Variants in CBLC observed in about 807,000 individuals in gnomAD.
CBLC encodes Cbl proto-oncogene C, also known as E3 ubiquitin-protein ligase CBL-C.
CBLC carries 46 observed loss-of-function variants against 58.6 expected under a neutral mutation model. The observed-to-expected ratio is 0.79, with a 90% CI of 0.62 to 1.00. The LOEUF is 1.00. Ranked by LOEUF, CBLC falls within the 50% of genes least tolerant of loss-of-function variation. The pLI is 0.00. For synonymous variants in CBLC, 271 were observed against 264.2 expected (o/e 1.03, Z -0.25); for missense variants, 655 against 625.8 (o/e 1.05, Z -0.50).
At position 44,788,345 on chromosome 19, in the gene CBLC, C is replaced by G. The variant is rs1004206077; in HGVS notation, c.918-1659C>G. Among the ~76,000 whole-genome samples, 8 of 151,592 alleles carry G rather than the reference C, an allele frequency of 5.3e-5. No individual in the cohort carries two copies. The South Asian group carries it at 8.3e-4, about 16-fold the overall frequency. ...CTTTCTGTGTTGCCCAGGCTGGTCT[C>G]GAACCCCTGGGCTCAAGCAATCCTC... is the stretch of plus-strand genomic sequence containing the variant. On this transcript the variant is annotated intron_variant, in intron 5 of 10. Transcript: ENST00000647358.
chr19:44,781,382 T>G lies in CBLC; in HGVS notation c.657+19T>G. 6.2e-7 allele frequency: 1 copy of G among 1,602,994 alleles called. No individual in the cohort carries two copies. Among genetic ancestry groups the G allele is most frequent in the Non-Finnish European group, 8.5e-7 (1 of 1,178,324 alleles). ...CTTTCAGGTCAGGGAAGGCCAAGGC[T>G]GGGAGCTAGACTTGGGTCCAGGAGG... On this transcript the variant is annotated intron_variant, in intron 3 of 10. Coordinates refer to ENST00000647358, the MANE Select transcript of CBLC (RefSeq NM_012116.4).
At chr19:44,796,078 G>C (rs1242119790) in intron 9 of CBLC, among the ~76,000 whole-genome samples, 2 of 152,068 alleles carry the variant, frequency 1.3e-5, no homozygotes, top group Non-Finnish European at 2.9e-5. Context: ...AGCTGGGCGT[G>C]GTGGCGCACA....
chr19:44,792,546 T>G, intron 7 of CBLC, 32 bp downstream of exon 7: 1 of 1,549,874 alleles, frequency 6.5e-7, no homozygotes, highest in East Asian at 2.4e-5. Context: ...CCTTCCCCTC[T>G]GGTCTCCCCC....
intron 7 of CBLC, among the ~76,000 whole-genome samples, chr19:44,793,156 A>G (rs1173399599): frequency 6.6e-6 from 1 of 151,992 alleles, no homozygotes. Flanking sequence ...CGTTTTTTTA[A>G]AAAACAACAA....
chr19:44,795,498 C>A (rs536936268), intron 9 of CBLC, among the ~76,000 whole-genome samples: 1 of 151,922 alleles, frequency 6.6e-6, no homozygotes, highest in Non-Finnish European at 1.5e-5. Flanking sequence ...GCCTGGGCAA[C>A]AGAATGAGAC....
In CBLC at chr19:44,780,982, A is replaced by G; in HGVS notation, c.431A>G (p.Tyr144Cys). 6.2e-7 allele frequency: 1 copy of G among 1,613,640 alleles called. No individual in the cohort carries two copies. The highest frequency in any genetic ancestry group is 8.5e-7 in the Non-Finnish European group (1 of 1,180,004). The change falls in exon 2 of 11, where the codon TAC (tyrosine) becomes TGC (cysteine). Residue 144 changes from tyrosine to cysteine, a missense_variant. Tyr to Cys is a radical substitution (Grantham distance 194). Coordinates refer to ENST00000647358, the MANE Select transcript of CBLC (RefSeq NM_012116.4). ...ELHALFPGGKYCGHMYQLTKA... is the reference protein window; with the variant it reads ...ELHALFPGGKCCGHMYQLTKA... ...CACGCACTCTTCCCCGGGGGAAAGT[A>G]CTGTGGACACATGTACCAGCTCACC...
Position 44,792,392 on chromosome 19 carries a change from C to T in CBLC, c.1015C>T (p.Gln339Ter), listed in dbSNP as rs1458790653. 1 of 1,613,568 alleles carries T rather than the reference C, an allele frequency of 6.2e-7. No individual in the cohort carries two copies. The highest frequency in any genetic ancestry group is 2.2e-5 in the East Asian group (1 of 44,864). ...QRIHVSEEQL[Q>*]LYWAMDSTFE... is the part of the protein sequence containing the mutation. ...TCCTCTCACCTGCCAGGAGCAGCTG[C>T]AGCTCTACTGGGCCATGGACTCCAC... Residue 339 changes from glutamine (Q) to a stop codon, truncating the protein, a stop_gained, in exon 7 of 11, where the codon CAG becomes TAG. Coordinates refer to ENST00000647358, the MANE Select transcript of CBLC (RefSeq NM_012116.4). LOFTEE classifies it high-confidence loss of function.
intron 9 of CBLC, among the ~76,000 whole-genome samples, chr19:44,797,573 G>GTTTTTTTT (rs1968203582): frequency 8.0e-6 from 1 of 125,708 alleles, no homozygotes; most frequent in Non-Finnish European, 1.7e-5. Context: ...GCCTGGCATT[G>GTTTTTTTT]CTTTTTTTTT....
rs1968274410 is a variant in CBLC, at chr19:44,800,584, G to C, written c.*41G>C. The C allele has an allele frequency of 1.7e-6, 1 of 584,312 alleles. No individual in the cohort carries two copies. 36.2% of individuals were successfully genotyped at this position (584,312 alleles called of 1,614,324 possible). On this transcript the variant is annotated 3_prime_UTR_variant, in exon 11 of 11. Coordinates refer to ENST00000647358, the MANE Select transcript of CBLC (RefSeq NM_012116.4). ...GATGTGCTGCTCAAGGGAGCCCCAA[G>C]GGCTGGAAGGGGGTTGTGAAACCGA...
intron 5 of CBLC, among the ~76,000 whole-genome samples, chr19:44,789,066 G>A (rs1967980912): frequency 6.6e-6 from 1 of 152,160 alleles, no homozygotes; most frequent in Non-Finnish European, 1.5e-5. Flanking sequence ...TAGCATTGAG[G>A]CATGCCAGAT....
chr19:44,790,411 CAATAACAAAT>C (rs908203885), intron 6 of CBLC, among the ~76,000 whole-genome samples: 1 of 152,106 alleles, frequency 6.6e-6, no homozygotes, highest in Non-Finnish European at 1.5e-5. Flanking sequence ...AGAAAAACAA[CAATAACAAAT>C]AAATAATTTA....
At chr19:44,794,066 G>A in intron 8 of CBLC, 138 bp from the exon 9 acceptor site, 1 of 1,431,682 alleles carries the variant, frequency 7.0e-7, no homozygotes, top group Non-Finnish European at 9.3e-7. Flanking sequence ...CCTCCTAAGT[G>A]TTCATACGTT....
At chr19:44,784,141 G>C in intron 4 of CBLC, 123 bp from the exon 5 acceptor site, 1 of 852,078 alleles carries the variant, frequency 1.2e-6, no homozygotes, top group Non-Finnish European at 1.8e-6. Flanking sequence ...GTTGCCTAGA[G>C]GATGGGAAGC....
At chr19:44,789,973 C>T (rs774542694) in intron 5 of CBLC, 31 bp from the exon 6 acceptor site, 2 of 1,433,200 alleles carry the variant, frequency 1.4e-6, no homozygotes, top group South Asian at 1.1e-5. Context: ...ACTGGATGGC[C>T]CCCCAGTCCC....
At chr19:44,794,730 G>A (rs1347208835) in intron 9 of CBLC, among the ~76,000 whole-genome samples, 3 of 151,760 alleles carry the variant, frequency 2.0e-5, no homozygotes, top group South Asian at 2.1e-4. Context: ...CCCACAGTGC[G>A]GGGATTACAG....
chr19:44,799,691 AGAAAG>A (rs1269067866), intron 9 of CBLC, among the ~76,000 whole-genome samples: 2 of 150,096 alleles, frequency 1.3e-5, no homozygotes, highest in African/African-American at 4.9e-5. Flanking sequence ...AGAAAAGTAA[AGAAAG>A]AGAGAGAGAA....
chr19:44,789,963 A>G, intron 5 of CBLC, 41 bp from the exon 6 acceptor site: 2 of 1,303,794 alleles, frequency 1.5e-6, no homozygotes, highest in East Asian at 2.3e-5. Context: ...GGTGGGAAAT[A>G]CTGGATGGCC....
chr19:44,778,264 C>T lies in CBLC; in HGVS notation c.333C>T (p.Phe111=). 2.8e-6 allele frequency: 4 copies of T among 1,442,900 alleles called. No individual in the cohort carries two copies. Among genetic ancestry groups the T allele is most frequent in the Non-Finnish European group, 3.6e-6 (4 of 1,099,966 alleles). 89.4% of individuals were successfully genotyped at this position (1,442,900 alleles called of 1,614,324 possible). The change falls in exon 1 of 11, where the codon TTC becomes TTT. Residue 111 remains phenylalanine (F), a synonymous_variant. Transcript: ENST00000647358. The part of the protein sequence containing the change: ...RGRRSANDEL[F]RAGSRLRRQL... ...GAAGGAGTGCCAACGACGAGCTCTT[C>T]CGGGCGGGCTCCAGACTCAGGTGAG...
chr19:44,779,117 A>G (rs982809433), intron 1 of CBLC, among the ~76,000 whole-genome samples: 1 of 152,160 alleles, frequency 6.6e-6, no homozygotes, highest in African/African-American at 2.4e-5. Flanking sequence ...AAAGTTAGCT[A>G]TTACTATTAT....
Sources: gnomAD v4.1 joint callset for allele counts (sites outside exome capture counted in the v4.1 genomes callset) on GRCh38, gnomAD v4.1.1 for gene constraint, MANE v1.5 for transcripts, NCBI Gene and HGNC (gene_info 2026-07-23, HGNC 2026-07-21) for gene names.